The following CHURC1 variants were observed in gnomAD, a reference collection of about 807,000 sequenced individuals.
The protein encoded by CHURC1 is protein Churchill.
CHURC1 carries 12 observed loss-of-function variants against 15.4 expected under a neutral mutation model. That is an observed-to-expected ratio of 0.78 (90% CI 0.50 to 1.27). The LOEUF is 1.27. Ranked by LOEUF, CHURC1 falls within the 50% of genes most tolerant of loss-of-function variation. The pLI, the probability that CHURC1 is intolerant of heterozygous loss-of-function variation, is 0.00. For synonymous variants in CHURC1, 42 were observed against 47.5 expected, an observed-to-expected ratio of 0.88 and a Z score of 0.48; for missense variants, 132 against 137.8, an observed-to-expected ratio of 0.96 and a Z score of 0.21.
In CHURC1 at chr14:64,934,435, A is replaced by C; in HGVS notation, c.*2205A>C. On this transcript the variant is annotated 3_prime_UTR_variant, in exon 4 of 4. Coordinates refer to ENST00000549115, the MANE Select transcript of CHURC1 (RefSeq NM_001386928.1). Reference sequence around the variant, plus strand: ...ACAGCTAGTGCAGTTACCCCCTCTCAGTAATTATGTTTGGCAAATATGAAA... The same window carrying C: ...ACAGCTAGTGCAGTTACCCCCTCTCCGTAATTATGTTTGGCAAATATGAAA... 1.0e-6 allele frequency: 1 copy of C among 985,250 alleles called. No individual in the cohort carries two copies. The allele number at this position is 985,250 out of a possible 1,614,324, so 61.0% of individuals were successfully genotyped here.
chr14:64,916,541 T>A (rs1019571157), intron 1 of CHURC1, among the ~76,000 whole-genome samples: 1 of 152,124 alleles, frequency 6.6e-6, no homozygotes, highest in South Asian at 2.1e-4. Flanking sequence ...GAGTTTGCAG[T>A]AGAGAATATT....
Position 64,935,310 on chromosome 14 carries a change from T to C in CHURC1, c.*3080T>C, listed in dbSNP as rs1164501651. On this transcript the variant is annotated 3_prime_UTR_variant, in exon 4 of 4. Transcript: ENST00000549115. Reference sequence around the variant, plus strand: ...GTAACTAACCTGCACATCGTGCACATGTACCCTAAAACTTAAAGTATAATA... The same window carrying C: ...GTAACTAACCTGCACATCGTGCACACGTACCCTAAAACTTAAAGTATAATA... 1.4e-6 allele frequency: 1 copy of C among 715,232 alleles called. No individual in the cohort carries two copies. The highest frequency in any genetic ancestry group is 1.9e-5 in the African/African-American group (1 of 51,716). The allele number at this position is 715,232 out of a possible 1,614,324, so 44.3% of individuals were successfully genotyped here.
At chr14:64,923,762 A>T (rs953299879) in intron 1 of CHURC1, among the ~76,000 whole-genome samples, 1 of 147,592 alleles carries the variant, frequency 6.8e-6, no homozygotes, top group Non-Finnish European at 1.5e-5. Context: ...TACAGACTTA[A>T]GGATCTAACA....
chr14:64,925,410 C>T (rs866346813), intron 2 of CHURC1, among the ~76,000 whole-genome samples: 14 of 152,034 alleles, frequency 9.2e-5, no homozygotes, highest in African/African-American at 2.9e-4. Context: ...CGGTGGCTCA[C>T]GCCTATAATC....
chr14:64,921,985 CATT>C (rs1304134731), intron 1 of CHURC1, among the ~76,000 whole-genome samples: 1 of 152,124 alleles, frequency 6.6e-6, no homozygotes, highest in Non-Finnish European at 1.5e-5. Flanking sequence ...TGAACATAGG[CATT>C]ATATCGAGCA....
intron 2 of CHURC1, among the ~76,000 whole-genome samples, chr14:64,925,075 A>G (rs1371772413): frequency 6.6e-6 from 1 of 152,168 alleles, no homozygotes; most frequent in East Asian, 1.9e-4. Context: ...CCCTGGAGCT[A>G]GGCTGTTTGG....
chr14:64,922,331 C>G (rs1031171904), intron 1 of CHURC1, among the ~76,000 whole-genome samples: 3 of 151,814 alleles, frequency 2.0e-5, no homozygotes, highest in African/African-American at 7.3e-5. Flanking sequence ...GTAATCCCAG[C>G]ACTTTGGGAG....
At chr14:64,918,704 C>A (rs1299727389) in intron 1 of CHURC1, among the ~76,000 whole-genome samples, 1 of 152,056 alleles carries the variant, frequency 6.6e-6, no homozygotes, top group Non-Finnish European at 1.5e-5. Context: ...GTGGTGTGTG[C>A]CTATAGTTCC....
Position 64,933,986 on chromosome 14 carries a change from T to C in CHURC1, c.*1756T>C. On this transcript the variant is annotated 3_prime_UTR_variant, in exon 4 of 4. Coordinates refer to ENST00000549115, the MANE Select transcript of CHURC1 (RefSeq NM_001386928.1). ...ATTTGTAAGTTATCATGAAAAGGTTTATATTCACTATTCTTTATTTCAGTG... is the reference window on the plus strand; with the variant it reads ...ATTTGTAAGTTATCATGAAAAGGTTCATATTCACTATTCTTTATTTCAGTG... 3.0e-6 allele frequency: 3 copies of C among 985,382 alleles called. No homozygotes were observed. The highest frequency in any genetic ancestry group is 3.6e-6 in the Non-Finnish European group (3 of 829,874). The allele number at this position is 985,382 out of a possible 1,614,324, so 61.0% of individuals were successfully genotyped here. A position where few individuals can be genotyped will look rare whatever the true frequency, so the allele number is the denominator to read the frequency against.
chr14:64,926,125 G>T (rs774046030), intron 3 of CHURC1, 45 bp downstream of exon 3: 2 of 1,391,306 alleles, frequency 1.4e-6, no homozygotes, highest in Admixed American at 2.1e-5. Flanking sequence ...GGAGGTTAGG[G>T]GAATAATAAA....
At position 64,933,893 on chromosome 14, in the gene CHURC1, A is replaced by T; in HGVS notation, c.*1663A>T. 1 of 984,172 alleles carries T rather than the reference A, an allele frequency of 1.0e-6. No individual in the cohort carries two copies. Among genetic ancestry groups the T allele is most frequent in the Non-Finnish European group, 1.2e-6 (1 of 828,756 alleles). The allele number at this position is 984,172 out of a possible 1,614,324, so 61.0% of individuals were successfully genotyped here. ...CTAAGAGCTTTTTAAGCACTTATTTAATCCTCATTAACAAATTCATAAGGT... is the reference window on the plus strand; with the variant it reads ...CTAAGAGCTTTTTAAGCACTTATTTTATCCTCATTAACAAATTCATAAGGT... On this transcript the variant is annotated 3_prime_UTR_variant, in exon 4 of 4. Coordinates refer to ENST00000549115, the MANE Select transcript of CHURC1 (RefSeq NM_001386928.1).
chr14:64,921,653 C>A (rs902724880), intron 1 of CHURC1, among the ~76,000 whole-genome samples: 1 of 152,102 alleles, frequency 6.6e-6, no homozygotes, highest in African/African-American at 2.4e-5. Flanking sequence ...AAAAGCAGTA[C>A]CTAGTATTGA....
At chr14:64,922,052 G>A (rs1284539404) in intron 1 of CHURC1, among the ~76,000 whole-genome samples, 1 of 152,156 alleles carries the variant, frequency 6.6e-6, no homozygotes, top group East Asian at 1.9e-4. Context: ...ATTCTAGAAC[G>A]TGCAAGACTG....
intron 1 of CHURC1, among the ~76,000 whole-genome samples, chr14:64,919,670 G>A (rs1884132872): frequency 6.6e-6 from 1 of 152,114 alleles, no homozygotes; most frequent in South Asian, 2.1e-4. Context: ...ATCACTGGAG[G>A]TCAGGAGTTT....
chr14:64,916,617 G>A (rs543772896), intron 1 of CHURC1, among the ~76,000 whole-genome samples: 3 of 152,072 alleles, frequency 2.0e-5, no homozygotes, highest in South Asian at 2.1e-4. Context: ...TTGCTCTGTC[G>A]CCCAGGTTGG....
rs1014240757 is a variant in CHURC1, at chr14:64,934,313, A to G, written c.*2083A>G. On this transcript the variant is annotated 3_prime_UTR_variant, in exon 4 of 4. Transcript: ENST00000549115. Reference sequence around the variant, plus strand: ...TGATGAGCCAAGGTCATGCCACTGCACTCCAGCCTGGGAGACAGAGCAAGA... The same window carrying G: ...TGATGAGCCAAGGTCATGCCACTGCGCTCCAGCCTGGGAGACAGAGCAAGA... 1.9e-5 allele frequency: 11 copies of G among 568,550 alleles called. No individual in the cohort carries two copies. Among genetic ancestry groups the G allele is most frequent in the African/African-American group, 2.0e-5 (1 of 49,158 alleles). The allele number at this position is 568,550 out of a possible 1,614,324, so 35.2% of individuals were successfully genotyped here.
intron 1 of CHURC1, among the ~76,000 whole-genome samples, chr14:64,922,931 C>T (rs1397722420): frequency 6.6e-6 from 1 of 152,108 alleles, no homozygotes; most frequent in Non-Finnish European, 1.5e-5. Flanking sequence ...TCTTAAAACT[C>T]CTTGAAGGTA....
intron 3 of CHURC1, among the ~76,000 whole-genome samples, chr14:64,931,887 C>T (rs184075187): frequency 1.3e-5 from 2 of 152,186 alleles, no homozygotes; most frequent in Non-Finnish European, 2.9e-5. Context: ...TAGCACTAAG[C>T]TAAATATATG....
At chr14:64,927,863 G>C (rs1228963045) in intron 3 of CHURC1, among the ~76,000 whole-genome samples, 1 of 152,018 alleles carries the variant, frequency 6.6e-6, no homozygotes, top group African/African-American at 2.4e-5. Flanking sequence ...TTGAGTCCAA[G>C]TGTTTGAGTA....
Sources: allele counts gnomAD v4.1 joint callset (sites outside exome capture counted in the v4.1 genomes callset), GRCh38; gene constraint gnomAD v4.1.1; transcripts MANE v1.5; gene names NCBI Gene and HGNC (gene_info 2026-07-23, HGNC 2026-07-21).